Variants in MACROD2 observed in about 807,000 individuals in gnomAD.
MACROD2 encodes the protein mono-ADP ribosylhydrolase 2, also known as ADP-ribose glycohydrolase MACROD2.
A neutral mutation model predicts 70.4 loss-of-function variants in MACROD2; 36 were observed. The ratio of observed to expected loss-of-function variants is 0.51; its 90% CI spans 0.39 to 0.68. The LOEUF is 0.68. MACROD2 is among the 30% of genes least tolerant of loss of function. The pLI, the probability that MACROD2 is intolerant of heterozygous loss-of-function variation, is 0.00. For missense variants in MACROD2, 496 were observed against 538.4 expected (o/e 0.92, Z 0.78); for synonymous variants, 172 against 178.8 (o/e 0.96, Z 0.30).
chr20:14,681,328 A>G (rs2070929520), intron 4 of MACROD2, among the ~76,000 whole-genome samples: 2 of 152,338 alleles, frequency 1.3e-5, no homozygotes, highest in South Asian at 2.1e-4. Flanking sequence ...AGATTGATTC[A>G]TAATAGCTAA....
intron 8 of MACROD2, among the ~76,000 whole-genome samples, chr20:15,691,233 T>A (rs180789592): frequency 2.1e-4 from 32 of 152,336 alleles, no homozygotes; most frequent in Admixed American, 2.0e-3. Flanking sequence ...TTGGCTGACC[T>A]TGGATGTAAC....
At chr20:14,609,384 G>A (rs1243324773) in intron 4 of MACROD2, among the ~76,000 whole-genome samples, 4 of 152,108 alleles carry the variant, frequency 2.6e-5, no homozygotes, top group Admixed American at 2.6e-4. Flanking sequence ...GGAAGGTTAT[G>A]CTGCCACTTA....
At chr20:14,694,160 A>T (rs1004987983) in intron 5 of MACROD2, among the ~76,000 whole-genome samples, 3 of 152,204 alleles carry the variant, frequency 2.0e-5, no homozygotes, top group African/African-American at 7.2e-5. Context: ...TGTATACAGT[A>T]AGGATAGTTC....
intron 5 of MACROD2, among the ~76,000 whole-genome samples, chr20:15,202,554 A>G (rs952563608): frequency 1.2e-4 from 18 of 152,156 alleles, no homozygotes; most frequent in Admixed American, 1.2e-3. Context: ...TTTTAAGTTC[A>G]TCTATTTTTT....
rs183365672 is a variant in MACROD2 at position 15,119,114 on chromosome 20, G to A, written c.419-110826G>A. Among the ~76,000 whole-genome samples the A allele has an allele frequency of 7.2e-5, 11 of 152,126 alleles. No individual in the cohort carries two copies. In the East Asian group the frequency reaches 9.7e-4, roughly 13 times the overall value. ...ATCTCTTCTGTTGCCTATAACAATCGGAAGACCTGGGAATATTTCATCCAT... is the reference window on the plus strand; with the variant it reads ...ATCTCTTCTGTTGCCTATAACAATCAGAAGACCTGGGAATATTTCATCCAT... On this transcript the variant is annotated intron_variant, in intron 5 of 17. Coordinates refer to ENST00000684519, the MANE Select transcript of MACROD2 (RefSeq NM_001351661.2).
intron 8 of MACROD2, among the ~76,000 whole-genome samples, chr20:15,563,076 T>C (rs2048265890): frequency 6.6e-6 from 1 of 152,220 alleles, no homozygotes; most frequent in East Asian, 1.9e-4. Context: ...CTTCGAAATA[T>C]GTGTGTGCAT....
At chr20:15,201,688 AT>A (rs1440620726) in intron 5 of MACROD2, among the ~76,000 whole-genome samples, 1 of 152,024 alleles carries the variant, frequency 6.6e-6, no homozygotes, top group African/African-American at 2.4e-5. Flanking sequence ...TTAATTAATT[AT>A]TTTTCCCCTT....
At chr20:15,275,120 A>G (rs1158566240) in intron 6 of MACROD2, among the ~76,000 whole-genome samples, 2 of 152,234 alleles carry the variant, frequency 1.3e-5, no homozygotes, top group African/African-American at 4.8e-5. Context: ...GTAAAAGTTA[A>G]CTATGCCCAG....
intron 8 of MACROD2, among the ~76,000 whole-genome samples, chr20:15,537,024 T>G (rs956111449): frequency 6.6e-6 from 1 of 152,130 alleles, no homozygotes; most frequent in African/African-American, 2.4e-5. Flanking sequence ...ACTGATATGG[T>G]TTGGCCATGT....
Position 14,845,423 on chromosome 20 carries a change from A to G in MACROD2, c.418+160464A>G, listed in dbSNP as rs1230545778. Among the ~76,000 whole-genome samples, 2 of 152,070 alleles carry G rather than the reference A, an allele frequency of 1.3e-5. 1 individual carries two copies. Among genetic ancestry groups the G allele is most frequent in the African/African-American group, 4.8e-5 (2 of 41,440 alleles). Reference sequence around the variant, plus strand: ...TCTTGGTCAGCAAAAAGACAGGAGTATATCATTCTGACACTCTTTTGAGGC... The same window carrying G: ...TCTTGGTCAGCAAAAAGACAGGAGTGTATCATTCTGACACTCTTTTGAGGC... On this transcript the variant is annotated intron_variant, in intron 5 of 17. Coordinates refer to ENST00000684519, the MANE Select transcript of MACROD2 (RefSeq NM_001351661.2).
intron 3 of MACROD2, among the ~76,000 whole-genome samples, chr20:14,199,730 A>G (rs2081463296): frequency 6.6e-6 from 1 of 152,116 alleles, no homozygotes; most frequent in Admixed American, 6.5e-5. Context: ...TACAGTAATA[A>G]TTATGTACCA....
intron 5 of MACROD2, among the ~76,000 whole-genome samples, chr20:15,147,106 G>A (rs974814250): frequency 5.3e-5 from 8 of 152,132 alleles, no homozygotes; most frequent in Admixed American, 3.3e-4. Context: ...AGAACAAGCT[G>A]TAAATCAGAG....
intron 5 of MACROD2, among the ~76,000 whole-genome samples, chr20:14,844,559 T>A (rs900521665): frequency 1.3e-5 from 2 of 151,942 alleles, no homozygotes; most frequent in Non-Finnish European, 2.9e-5. Flanking sequence ...TAGAAGGGCA[T>A]CTCTTCATAA....
intron 13 of MACROD2, among the ~76,000 whole-genome samples, chr20:15,986,475 A>C (rs952995094): frequency 1.3e-5 from 2 of 152,230 alleles, no homozygotes; most frequent in African/African-American, 2.4e-5. Context: ...CTGTGCATTC[A>C]TAAGCTAAGT....
At chr20:15,895,205 A>T (rs2064952178) in intron 10 of MACROD2, among the ~76,000 whole-genome samples, 1 of 152,236 alleles carries the variant, frequency 6.6e-6, no homozygotes, top group South Asian at 2.1e-4. Context: ...TTCCTAAATC[A>T]GTTGCTTTGT....
chr20:14,772,619 A>G (rs2072183406), intron 5 of MACROD2, among the ~76,000 whole-genome samples: 1 of 152,050 alleles, frequency 6.6e-6, no homozygotes, highest in Non-Finnish European at 1.5e-5. Flanking sequence ...CTCCCATAAC[A>G]CGTGGGAATT....
At chr20:15,689,265 C>T (rs1417589898) in intron 8 of MACROD2, among the ~76,000 whole-genome samples, 1 of 151,406 alleles carries the variant, frequency 6.6e-6, no homozygotes, top group Non-Finnish European at 1.5e-5. Context: ...GATATTGCCA[C>T]TACAGTCTAG....
intron 5 of MACROD2, among the ~76,000 whole-genome samples, chr20:15,100,636 G>GT (rs2075865156): frequency 6.6e-6 from 1 of 152,154 alleles, no homozygotes; most frequent in Non-Finnish European, 1.5e-5. Flanking sequence ...GAAGACAGAA[G>GT]TAAGTAGTTG....
chr20:15,409,361 T>C (rs1488430869), intron 6 of MACROD2, among the ~76,000 whole-genome samples: 2 of 152,338 alleles, frequency 1.3e-5, no homozygotes, highest in East Asian at 1.9e-4. Flanking sequence ...TGAATAGTGA[T>C]TATGTGAAGT....
Sources: gnomAD v4.1 joint callset for allele counts (sites outside exome capture counted in the v4.1 genomes callset) on GRCh38, gnomAD v4.1.1 for gene constraint, MANE v1.5 for transcripts, NCBI Gene and HGNC (gene_info 2026-07-23, HGNC 2026-07-21) for gene names.